Variants in ZMYM2 observed in about 807,000 individuals in gnomAD.
ZMYM2 encodes the protein zinc finger MYM-type containing 2, also known as zinc finger MYM-type protein 2.
Under a neutral mutation model 162.8 loss-of-function variants are expected in ZMYM2, and 56 were observed. That is an observed-to-expected ratio of 0.34 (90% CI 0.28 to 0.43). ZMYM2 has a LOEUF of 0.43. ZMYM2 is among the 20% of genes least tolerant of loss of function. The probability of loss-of-function intolerance (pLI) is 1.00; values close to 1 mark genes in which losing one functional copy is unlikely to be tolerated. For synonymous variants in ZMYM2, 510 were observed against 541.6 expected (o/e 0.94, Z 0.81); for missense variants, 1,275 against 1,621.8 (o/e 0.79, Z 3.67).
intron 6 of ZMYM2, among the ~76,000 whole-genome samples, chr13:20,019,192 G>A (rs913192874): frequency 2.2e-4 from 34 of 151,686 alleles, no homozygotes; most frequent in African/African-American, 6.1e-4. Flanking sequence ...AGAAAGCTTC[G>A]AGTTTCATTA....
chr13:20,052,319 T>G lies in ZMYM2; in HGVS notation c.2493+8T>G. On this transcript the variant is annotated splice_region_variant and intron_variant, in intron 14 of 24. Coordinates refer to ENST00000610343, the MANE Select transcript of ZMYM2 (RefSeq NM_197968.4). ...TCTCGAACCAAAATGACAGTAAGTA[T>G]TGGTGAAATGGAGTGCTGAATTGTG... 1.3e-6 allele frequency: 2 copies of G among 1,570,314 alleles called. No homozygotes were observed. Among genetic ancestry groups the G allele is most frequent in the Non-Finnish European group, 1.7e-6 (2 of 1,156,928 alleles).
intron 15 of ZMYM2, chr13:20,059,063 A>G: frequency 2.5e-6 from 1 of 407,374 alleles, no homozygotes; most frequent in Non-Finnish European, 4.5e-6. Context: ...TGTCAGAATG[A>G]GGTGAAATTG....
intron 2 of ZMYM2, among the ~76,000 whole-genome samples, chr13:19,966,599 G>T (rs1383581089): frequency 6.6e-6 from 1 of 151,690 alleles, no homozygotes; most frequent in Non-Finnish European, 1.5e-5. Context: ...GTGCCACCAC[G>T]CCGGGCTGAT....
chr13:19,889,598 C>T, the ZMYM2 span, among the ~76,000 whole-genome samples: 1 of 151,738 alleles, frequency 6.6e-6, no homozygotes, highest in Non-Finnish European at 1.5e-5. Flanking sequence ...CCACTGTGCC[C>T]GGCCTCTTTT....
Position 20,031,402 on chromosome 13 carries a change from C to A in ZMYM2, c.1935C>A (p.Ser645=). The A allele has an allele frequency of 6.2e-7, 1 of 1,606,754 alleles. No homozygotes were observed. Among genetic ancestry groups the A allele is most frequent in the Non-Finnish European group, 8.5e-7 (1 of 1,177,544 alleles). ...IQLKCNYCKN[S]FCSKPEILEW... ...TGAAATGCAACTACTGCAAAAATTC[C>A]TTTTGTTCAAAACCAGAAATCCTGG... Residue 645 remains serine, a synonymous_variant, in exon 10 of 25, where the codon TCC becomes TCA. Coordinates refer to ENST00000610343, the MANE Select transcript of ZMYM2 (RefSeq NM_197968.4).
chr13:19,972,482 A>G (rs538578351), intron 2 of ZMYM2, among the ~76,000 whole-genome samples: 2 of 151,802 alleles, frequency 1.3e-5, no homozygotes, highest in African/African-American at 2.4e-5. Flanking sequence ...TTTTTCACTT[A>G]GTGGTATGTC....
chr13:20,033,869 C>G (rs973206455), intron 10 of ZMYM2, among the ~76,000 whole-genome samples: 1 of 152,198 alleles, frequency 6.6e-6, no homozygotes, highest in African/African-American at 2.4e-5. Flanking sequence ...CTTGTTTATA[C>G]TCAACAAAGA....
At chr13:19,917,119 C>T in the ZMYM2 span, among the ~76,000 whole-genome samples, 2 of 152,060 alleles carry the variant, frequency 1.3e-5, no homozygotes, top group African/African-American at 4.8e-5. Flanking sequence ...CCCGCCACGA[C>T]GCCCGGCTAA....
chr13:20,017,677 C>G (rs897073332), intron 6 of ZMYM2, among the ~76,000 whole-genome samples: 1 of 152,016 alleles, frequency 6.6e-6, no homozygotes, highest in Admixed American at 6.6e-5. Flanking sequence ...TCCCCCCACC[C>G]AGTCTGTTTT....
At chr13:20,037,213 ATTTTTT>A (rs754909177) in intron 12 of ZMYM2, among the ~76,000 whole-genome samples, 3 of 90,388 alleles carry the variant, frequency 3.3e-5, no homozygotes, top group African/African-American at 4.8e-5. Flanking sequence ...ACTAAGTAGA[ATTTTTT>A]TTTTTTTTTT....
intron 2 of ZMYM2, chr13:19,970,211 G>C (rs1462857512): frequency 3.2e-6 from 1 of 311,310 alleles, no homozygotes; most frequent in African/African-American, 2.3e-5. Context: ...TTGATGATTT[G>C]TTTCCAAATT....
the ZMYM2 span, among the ~76,000 whole-genome samples, chr13:19,884,649 T>C: frequency 6.6e-6 from 1 of 152,168 alleles, no homozygotes. Context: ...AGTTTGGTCC[T>C]TCCGGTGTGC....
At chr13:19,898,169 G>T in the ZMYM2 span, among the ~76,000 whole-genome samples, 15 of 151,330 alleles carry the variant, frequency 9.9e-5, no homozygotes, top group Non-Finnish European at 1.5e-4. Flanking sequence ...CAAAGAAATG[G>T]AAACAGAACT....
chr13:20,027,131 C>G, intron 8 of ZMYM2, 72 bp from the exon 9 acceptor site: 4 of 988,224 alleles, frequency 4.0e-6, no homozygotes, highest in South Asian at 1.8e-5. Context: ...CTTCTATGAT[C>G]TCAGTAGTTA....
the ZMYM2 span, among the ~76,000 whole-genome samples, chr13:19,865,553 A>G: frequency 6.6e-6 from 1 of 152,202 alleles, no homozygotes; most frequent in Non-Finnish European, 1.5e-5. Flanking sequence ...AGCACTGACT[A>G]CCCTGAGTTC....
At chr13:19,898,000 C>T in the ZMYM2 span, among the ~76,000 whole-genome samples, 1 of 152,084 alleles carries the variant, frequency 6.6e-6, no homozygotes, top group African/African-American at 2.4e-5. Context: ...TCAGACCTAA[C>T]AGATATTTAC....
chr13:19,951,002 G>A, the ZMYM2 span, among the ~76,000 whole-genome samples: 1 of 152,236 alleles, frequency 6.6e-6, no homozygotes, highest in African/African-American at 2.4e-5. Context: ...TTCTTAAAAC[G>A]TAAGATTTTT....
At chr13:19,998,459 A>G (rs185219920) in intron 3 of ZMYM2, among the ~76,000 whole-genome samples, 2 of 152,230 alleles carry the variant, frequency 1.3e-5, no homozygotes, top group East Asian at 3.9e-4. Context: ...AGGAGCCACT[A>G]TTTGTGTGGG....
At chr13:19,870,398 A>G in the ZMYM2 span, among the ~76,000 whole-genome samples, 351 of 151,858 alleles carry the variant, frequency 2.3e-3, 3 homozygotes, top group African/African-American at 8.1e-3. Flanking sequence ...TTGGCTTCCC[A>G]AAGTGCTGGG....
Sources: gnomAD v4.1 joint callset for allele counts (sites outside exome capture counted in the v4.1 genomes callset) on GRCh38, gnomAD v4.1.1 for gene constraint, MANE v1.5 for transcripts, NCBI Gene and HGNC (gene_info 2026-07-23, HGNC 2026-07-21) for gene names.